Variants in LINGO2 observed in about 807,000 individuals in gnomAD.
LINGO2 encodes the protein leucine rich repeat and Ig domain containing 2.
Under a neutral mutation model 30.6 loss-of-function variants are expected in LINGO2, and 14 were observed. The ratio of observed to expected loss-of-function variants is 0.46; its 90% CI spans 0.30 to 0.72. LINGO2 has a LOEUF of 0.72. LINGO2 is among the 30% of genes least tolerant of loss of function. The probability of loss-of-function intolerance (pLI) is 0.07; values close to 1 mark genes in which losing one functional copy is unlikely to be tolerated. For missense variants in LINGO2, 729 were observed against 751.7 expected, an observed-to-expected ratio of 0.97 and a Z score of 0.35; for synonymous variants, 317 against 288.5, an observed-to-expected ratio of 1.10 and a Z score of -1.00.
In LINGO2 at chr9:28,007,476, T is replaced by C. The variant is rs113218958; in HGVS notation, c.-36+4879A>G. On this transcript the variant is annotated intron_variant, in intron 5 of 5. Transcript: ENST00000379992. ...TGAACAGTAAATCTGACTGTGAAAA[T>C]GTCCTTTTAATTATATTTTATCCAC... Among the ~76,000 whole-genome samples, 128 of 152,258 alleles carry C rather than the reference T, an allele frequency of 8.4e-4. 1 individual carries two copies. Among genetic ancestry groups the C allele is most frequent in the African/African-American group, 2.9e-3 (122 of 41,560 alleles).
the LINGO2 span, among the ~76,000 whole-genome samples, chr9:28,803,551 A>G: frequency 6.6e-6 from 1 of 151,890 alleles, no homozygotes; most frequent in Non-Finnish European, 1.5e-5. Context: ...GAAAAACAAA[A>G]GCATACTATC....
chr9:29,025,728 G>A, the LINGO2 span, among the ~76,000 whole-genome samples: 1 of 152,140 alleles, frequency 6.6e-6, no homozygotes, highest in Admixed American at 6.5e-5. Context: ...TAGTCACCAT[G>A]TTGTGTAACA....
the LINGO2 span, among the ~76,000 whole-genome samples, chr9:28,803,177 T>G: frequency 6.6e-6 from 1 of 152,062 alleles, no homozygotes; most frequent in African/African-American, 2.4e-5. Context: ...CAGCACACTA[T>G]AAATCCTTTA....
intron 4 of LINGO2, among the ~76,000 whole-genome samples, chr9:28,088,706 C>T (rs1825985816): frequency 6.6e-6 from 1 of 151,996 alleles, no homozygotes; most frequent in African/African-American, 2.4e-5. Flanking sequence ...CAAATTCACA[C>T]ATAACAATAT....
At chr9:28,656,695 A>C (rs761910016) in intron 1 of LINGO2, among the ~76,000 whole-genome samples, 2 of 152,118 alleles carry the variant, frequency 1.3e-5, no homozygotes, top group Non-Finnish European at 2.9e-5. Flanking sequence ...GACAAGGAGG[A>C]AAATTTGAAA....
chr9:27,988,303 T>C (rs776701600), intron 5 of LINGO2, among the ~76,000 whole-genome samples: 3 of 152,076 alleles, frequency 2.0e-5, no homozygotes, highest in African/African-American at 4.8e-5. Flanking sequence ...AGTGCCACAA[T>C]AAACATATGT....
At chr9:29,155,525 T>C in the LINGO2 span, among the ~76,000 whole-genome samples, 4 of 151,306 alleles carry the variant, frequency 2.6e-5, no homozygotes, top group African/African-American at 9.7e-5. Context: ...TATTTTTCAT[T>C]ATATTCTTTT....
chr9:28,277,854 A>AT, intron 4 of LINGO2, among the ~76,000 whole-genome samples: 1 of 151,240 alleles, frequency 6.6e-6, no homozygotes, highest in South Asian at 2.1e-4. Flanking sequence ...AAAAAACAAA[A>AT]AAAAAAACAA....
At chr9:28,536,359 A>G (rs1300772783) in intron 1 of LINGO2, among the ~76,000 whole-genome samples, 1 of 152,152 alleles carries the variant, frequency 6.6e-6, no homozygotes, top group Non-Finnish European at 1.5e-5. Flanking sequence ...CTGGCTTCCT[A>G]AAGGGAATAT....
chr9:28,123,108 A>C (rs1827144144), intron 4 of LINGO2, among the ~76,000 whole-genome samples: 1 of 152,144 alleles, frequency 6.6e-6, no homozygotes, highest in Admixed American at 6.5e-5. Context: ...TTTTGTTGAG[A>C]TCAAAGTTGA....
intron 4 of LINGO2, among the ~76,000 whole-genome samples, chr9:28,053,021 T>C (rs1041532165): frequency 2.0e-5 from 3 of 152,212 alleles, no homozygotes; most frequent in Admixed American, 2.0e-4. Flanking sequence ...ATAGGTATGT[T>C]TTCTGTCCTC....
the LINGO2 span, among the ~76,000 whole-genome samples, chr9:28,993,256 G>GA: frequency 2.6e-5 from 4 of 152,026 alleles, no homozygotes; most frequent in African/African-American, 7.2e-5. Flanking sequence ...AAATAAACTA[G>GA]AAAATCTAGA....
intron 4 of LINGO2, among the ~76,000 whole-genome samples, chr9:28,294,622 T>C (rs1170868038): frequency 2.0e-5 from 3 of 152,064 alleles, no homozygotes; most frequent in Non-Finnish European, 4.4e-5. Context: ...AAAAAGGAGA[T>C]AAAAGAGTAC....
At chr9:28,699,507 A>G in the LINGO2 span, among the ~76,000 whole-genome samples, 1 of 152,038 alleles carries the variant, frequency 6.6e-6, no homozygotes, top group Admixed American at 6.6e-5. Context: ...ATTGATTGTA[A>G]AACAAGCTTG....
chr9:28,552,063 G>T (rs913147497), intron 1 of LINGO2, among the ~76,000 whole-genome samples: 3 of 151,874 alleles, frequency 2.0e-5, no homozygotes, highest in African/African-American at 7.2e-5. Context: ...ATCGCTAACT[G>T]TCATTTAATC....
intron 4 of LINGO2, among the ~76,000 whole-genome samples, chr9:28,267,553 C>T (rs1822796303): frequency 6.6e-6 from 1 of 151,956 alleles, no homozygotes; most frequent in African/African-American, 2.4e-5. Flanking sequence ...GCCCTCTACA[C>T]ATCATTCTGT....
At chr9:29,020,185 T>A in the LINGO2 span, among the ~76,000 whole-genome samples, 1 of 151,826 alleles carries the variant, frequency 6.6e-6, no homozygotes, top group African/African-American at 2.4e-5. Flanking sequence ...ACATTCATCT[T>A]CTTGGGTGGG....
the LINGO2 span, among the ~76,000 whole-genome samples, chr9:28,976,529 T>C: frequency 2.7e-4 from 41 of 152,222 alleles, no homozygotes; most frequent in South Asian, 5.6e-3. Context: ...GACTAAGCAA[T>C]AAAAATTGCA....
intron 4 of LINGO2, among the ~76,000 whole-genome samples, chr9:28,101,048 T>G (rs764620956): frequency 2.6e-5 from 4 of 152,108 alleles, no homozygotes; most frequent in Non-Finnish European, 5.9e-5. Flanking sequence ...ACACATTTTT[T>G]TTTTCAATTT....
Sources: allele counts gnomAD v4.1 joint callset (sites outside exome capture counted in the v4.1 genomes callset), GRCh38; gene constraint gnomAD v4.1.1; transcripts MANE v1.5; gene names NCBI Gene and HGNC (gene_info 2026-07-23, HGNC 2026-07-21).